PLEKHO2: variants seen among roughly 807,000 people sequenced by gnomAD.
The protein encoded by PLEKHO2 is pleckstrin homology domain-containing family O member 2.
In PLEKHO2, 20 loss-of-function variants were observed where a neutral mutation model predicts 32.7. The observed-to-expected ratio is 0.61, with a 90% confidence interval of 0.43 to 0.89. The LOEUF (loss-of-function observed/expected upper bound fraction) is 0.89. Ranked by LOEUF, PLEKHO2 falls within the 40% of genes least tolerant of loss-of-function variation. The pLI is 0.00. For missense variants in PLEKHO2, 568 were observed against 621.2 expected, an observed-to-expected ratio of 0.91 and a Z score of 0.91; for synonymous variants, 247 against 246.3, an observed-to-expected ratio of 1.00 and a Z score of -0.03.
In PLEKHO2 at chr15:64,867,260, C is replaced by G. The variant is rs1164027994; in HGVS notation, c.*1372C>G. The G allele has an allele frequency of 6.5e-6, 1 of 152,816 alleles. No individual in the cohort carries two copies. The highest frequency in any genetic ancestry group is 1.5e-5 in the Non-Finnish European group (1 of 68,158). The allele number at this position is 152,816 out of a possible 1,614,324, so 9.5% of individuals were successfully genotyped here. A position where few individuals can be genotyped will look rare whatever the true frequency, so the allele number is the denominator to read the frequency against. On this transcript the variant is annotated 3_prime_UTR_variant, in exon 6 of 6. Transcript: ENST00000323544. ...AGCAACATGCCCTGGCCTTTCTGCT[C>G]TGTTCCCCAACCCCACTGAGGCCTG...
chr15:64,863,265 T>A (rs1297839218), intron 5 of PLEKHO2, among the ~76,000 whole-genome samples: 2 of 152,034 alleles, frequency 1.3e-5, no homozygotes, highest in African/African-American at 2.4e-5. Context: ...AGGAGTCGAT[T>A]TAGGGCTGTC....
intron 2 of PLEKHO2, among the ~76,000 whole-genome samples, chr15:64,852,122 AG>A (rs2084574151): frequency 6.6e-6 from 1 of 152,180 alleles, no homozygotes; most frequent in African/African-American, 2.4e-5. Context: ...TTCCCATGGC[AG>A]GACTCGGCTC....
chr15:64,855,026 C>A lies in PLEKHO2; in HGVS notation c.268C>A (p.Pro90Thr). Residue 90 changes from proline (P) to threonine (T), a missense_variant, in exon 3 of 6, where the codon CCA becomes ACA. Transcript: ENST00000323544. The part of the protein sequence containing the change: ...RKHRFILLRS[P>T]GNKVSDIKFQ... ...ACACCGCTTTATCCTGCTGCGATCC[C>A]CAGGGAACAAGGTAGGGCGATGCCT... The A allele has an allele frequency of 6.3e-7, 1 of 1,584,566 alleles. No individual in the cohort carries two copies. The highest frequency in any genetic ancestry group is 8.6e-7 in the Non-Finnish European group (1 of 1,164,496).
chr15:64,865,631 AGGGAAC>A lies in PLEKHO2; in HGVS notation c.1219_1224del (p.Glu407_Arg408del), dbSNP rs1453644352. 3 of 1,614,268 alleles carry A rather than the reference AGGGAAC, an allele frequency of 1.9e-6. No homozygotes were observed. The highest frequency in any genetic ancestry group is 2.5e-6 in the Non-Finnish European group (3 of 1,180,036). ...AGGCCCGCGGCATCCCTTGCAGCCC[AGGGAAC>A]GGCTATATCGGGCCCAGCTGGAGGT... On this transcript the variant is annotated inframe_deletion, in exon 6 of 6. Coordinates refer to ENST00000323544, the MANE Select transcript of PLEKHO2 (RefSeq NM_025201.5).
At chr15:64,861,778 T>G (rs1312117372) in intron 5 of PLEKHO2, among the ~76,000 whole-genome samples, 1 of 152,190 alleles carries the variant, frequency 6.6e-6, no homozygotes, top group Non-Finnish European at 1.5e-5. Context: ...CTTTTCCATT[T>G]GTTCAATCCA....
At chr15:64,855,168 C>A (rs2084598770) in intron 3 of PLEKHO2, 131 bp downstream of exon 3, 1 of 674,780 alleles carries the variant, frequency 1.5e-6, no homozygotes, top group Non-Finnish European at 2.6e-6. Context: ...AGGCTCAGCC[C>A]TAGCAGCCAC....
chr15:64,864,987 T>A lies in PLEKHO2; in HGVS notation c.572T>A (p.Val191Asp), dbSNP rs749636640. 3 of 1,614,044 alleles carry A rather than the reference T, an allele frequency of 1.9e-6. No individual in the cohort carries two copies. The South Asian group carries it at 3.3e-5, about 18-fold the overall frequency. Residue 191 changes from valine to aspartate, a missense_variant, in exon 6 of 6, where the codon GTC (valine) becomes GAC (aspartate). Coordinates refer to ENST00000323544, the MANE Select transcript of PLEKHO2 (RefSeq NM_025201.5). ...GPPVFAPSNHVSEAQPRETPR... is the reference protein window; with the variant it reads ...GPPVFAPSNHDSEAQPRETPR... ...CCAGTGTTTGCCCCCAGCAATCATG[T>A]CAGTGAAGCCCAACCTCGGGAGACA...
At chr15:64,864,596 C>G (rs976915667) in intron 5 of PLEKHO2, among the ~76,000 whole-genome samples, 2 of 152,142 alleles carry the variant, frequency 1.3e-5, no homozygotes, top group African/African-American at 4.8e-5. Flanking sequence ...CTTGTATAGT[C>G]CAGTCCAGGT....
intron 4 of PLEKHO2, among the ~76,000 whole-genome samples, 178 bp downstream of exon 4, chr15:64,860,176 C>G (rs868202202): frequency 6.6e-6 from 1 of 152,200 alleles, no homozygotes. Flanking sequence ...GTGGTGCTGT[C>G]CTTGTTTTAC....
chr15:64,860,754 A>G (rs762023732), intron 4 of PLEKHO2, among the ~76,000 whole-genome samples: 27 of 152,180 alleles, frequency 1.8e-4, no homozygotes, highest in African/African-American at 9.7e-5. Context: ...CTAGGGGAAA[A>G]GTGTCCCCGT....
At chr15:64,850,583 T>C (rs951465928) in intron 2 of PLEKHO2, among the ~76,000 whole-genome samples, 8 of 152,342 alleles carry the variant, frequency 5.3e-5, no homozygotes, top group African/African-American at 1.9e-4. Flanking sequence ...CTCTCTGTTT[T>C]GAACTGGCAG....
rs1222872221 is a variant in PLEKHO2, at chr15:64,866,887, T to C, written c.*999T>C. The C allele has an allele frequency of 1.3e-5, 2 of 152,652 alleles. No homozygotes were observed. Among genetic ancestry groups the C allele is most frequent in the Non-Finnish European group, 2.9e-5 (2 of 68,368 alleles). 9.5% of individuals were successfully genotyped at this position (152,652 alleles called of 1,614,324 possible). On this transcript the variant is annotated 3_prime_UTR_variant, in exon 6 of 6. Transcript: ENST00000323544. ...ATTTCTTCAAATGCTGATAGGGGTA[T>C]GTTGGAATCCGAAGCCACTTCCCCG... is the stretch of plus-strand genomic sequence containing the variant.
At chr15:64,843,270 T>C (rs540680720) in intron 1 of PLEKHO2, among the ~76,000 whole-genome samples, 1 of 152,354 alleles carries the variant, frequency 6.6e-6, no homozygotes, top group East Asian at 1.9e-4. Context: ...GTCCTCCTCA[T>C]ACTCCTGGCC....
chr15:64,858,887 TA>T (rs1020436810), intron 3 of PLEKHO2, among the ~76,000 whole-genome samples: 3 of 152,216 alleles, frequency 2.0e-5, no homozygotes, highest in African/African-American at 7.2e-5. Context: ...CTCCATCGTG[TA>T]AAACTAAAAC....
chr15:64,860,483 AC>A (rs2084634002), intron 4 of PLEKHO2, among the ~76,000 whole-genome samples: 1 of 152,202 alleles, frequency 6.6e-6, no homozygotes, highest in African/African-American at 2.4e-5. Context: ...GACTGTGGCA[AC>A]AGTAGCCACA....
chr15:64,842,653 T>C (rs1308293228), intron 1 of PLEKHO2, among the ~76,000 whole-genome samples: 1 of 152,182 alleles, frequency 6.6e-6, no homozygotes, highest in East Asian at 1.9e-4. Context: ...TCTGAGCAGC[T>C]AGCTGTAGGG....
chr15:64,860,048 G>A (rs2084631938), intron 4 of PLEKHO2, 50 bp downstream of exon 4: 2 of 1,533,378 alleles, frequency 1.3e-6, no homozygotes, highest in South Asian at 1.1e-5. Context: ...CTTTCCCACT[G>A]CGTGTGATCT....
intron 3 of PLEKHO2, among the ~76,000 whole-genome samples, chr15:64,857,306 AGGAT>A (rs1244624628): frequency 1.3e-5 from 2 of 152,112 alleles, no homozygotes; most frequent in African/African-American, 4.8e-5. Flanking sequence ...GTGGCCCTTC[AGGAT>A]GGTTTTTGGG....
chr15:64,862,979 G>A (rs1414448955), intron 5 of PLEKHO2, among the ~76,000 whole-genome samples: 150 of 128,644 alleles, frequency 1.2e-3, no homozygotes, highest in African/African-American at 3.6e-3. Context: ...TCGCTCTGTC[G>A]CCCAGGCTGG....
Sources: allele counts gnomAD v4.1 joint callset (sites outside exome capture counted in the v4.1 genomes callset), GRCh38; gene constraint gnomAD v4.1.1; transcripts MANE v1.5; gene names NCBI Gene and HGNC (gene_info 2026-07-23, HGNC 2026-07-21).